ETS1: variants seen among roughly 807,000 people sequenced by gnomAD.
ETS1 encodes protein C-ets-1.
A neutral mutation model predicts 58.6 loss-of-function variants in ETS1; 15 were observed. The observed-to-expected ratio is 0.26, with a 90% CI of 0.17 to 0.39. The LOEUF is 0.39. Among genes scored for constraint, ETS1 ranks in the 10% least tolerant of loss-of-function variants. ETS1 has a pLI of 1.00. For synonymous variants in ETS1, 214 were observed against 218.2 expected (o/e 0.98, Z 0.17); for missense variants, 417 against 610.5 (o/e 0.68, Z 3.34).
chr11:128,528,212 T>C (rs753240151), intron 3 of ETS1, among the ~76,000 whole-genome samples: 15 of 152,184 alleles, frequency 9.9e-5, no homozygotes, highest in Non-Finnish European at 2.2e-4. Flanking sequence ...TATCCCATAC[T>C]TTAATTAATT....
intron 1 of ETS1, among the ~76,000 whole-genome samples, chr11:128,579,886 C>G (rs189653672): frequency 3.8e-4 from 58 of 152,178 alleles, no homozygotes; most frequent in Admixed American, 3.0e-3. Flanking sequence ...TCCCCTCCCC[C>G]CTACCCTCTT....
chr11:128,469,366 T>G (rs1280877642), intron 8 of ETS1, among the ~76,000 whole-genome samples: 1 of 152,194 alleles, frequency 6.6e-6, no homozygotes, highest in Non-Finnish European at 1.5e-5. Flanking sequence ...GGCCCCTCCC[T>G]TCCAGCCAGG....
chr11:128,459,963 C>A lies in ETS1; in HGVS notation c.*2398G>T, dbSNP rs889921757. On this transcript the variant is annotated 3_prime_UTR_variant, in exon 10 of 10. Coordinates refer to ENST00000392668, the MANE Select transcript of ETS1 (RefSeq NM_001143820.2). ...TTTATGCCTGGTTGCAAACAGCAAGCAATAATTGATACCCGGCCCTGGTTC... is the reference window on the plus strand; with the variant it reads ...TTTATGCCTGGTTGCAAACAGCAAGAAATAATTGATACCCGGCCCTGGTTC... 2.6e-5 allele frequency: 4 copies of A among 152,226 alleles called. No individual in the cohort carries two copies. Among genetic ancestry groups the A allele is most frequent in the Admixed American group, 1.3e-4 (2 of 15,264 alleles). The allele number at this position is 152,226 out of a possible 1,614,324, so 9.4% of individuals were successfully genotyped here. A position where few individuals can be genotyped will look rare whatever the true frequency, so the allele number is the denominator to read the frequency against.
intron 3 of ETS1, among the ~76,000 whole-genome samples, chr11:128,519,831 G>T (rs1863617125): frequency 6.6e-6 from 1 of 151,944 alleles, no homozygotes; most frequent in South Asian, 2.1e-4. Context: ...TGAGGTATGG[G>T]CATAATGTTC....
chr11:128,507,154 AT>A (rs1003159316), intron 3 of ETS1, among the ~76,000 whole-genome samples: 6 of 152,134 alleles, frequency 3.9e-5, no homozygotes, highest in Non-Finnish European at 7.3e-5. Context: ...AAAAGGGATC[AT>A]GAATTTTGGC....
intron 8 of ETS1, among the ~76,000 whole-genome samples, chr11:128,466,543 T>C (rs10893873): frequency 0.68 from 103,125 of 151,936 alleles, 36,741 homozygotes; most frequent in Non-Finnish European, 0.79. Flanking sequence ...TTTCTACCAG[T>C]GCATTTTCCA....
chr11:128,569,156 A>T (rs1182056790), intron 2 of ETS1, among the ~76,000 whole-genome samples: 1 of 152,024 alleles, frequency 6.6e-6, no homozygotes, highest in African/African-American at 2.4e-5. Flanking sequence ...CCTGGCTTCT[A>T]CTCTGATGCC....
rs1861962159 is a variant in ETS1 at position 128,463,752 on chromosome 11, AACAG to A, written c.1124-129_1124-126del. 1.5e-6 allele frequency: 1 copy of A among 675,460 alleles called. No individual in the cohort carries two copies. The highest frequency in any genetic ancestry group is 2.7e-6 in the Non-Finnish European group (1 of 367,196). The allele number at this position is 675,460 out of a possible 1,614,324, so 41.8% of individuals were successfully genotyped here. On this transcript the variant is annotated intron_variant, in intron 8 of 9. Coordinates refer to ENST00000392668, the MANE Select transcript of ETS1 (RefSeq NM_001143820.2). This position sits in a 1 kb window ranked among gnomAD's most constrained non-coding sequence, Gnocchi z 4.1. ...CATCCAGCCAGGAGAAAATGAAGGC[AACAG>A]ACAGTGCACATGTCGGAGGAAGTGT... is the stretch of plus-strand genomic sequence containing the variant.
chr11:128,541,247 C>T (rs1415879413), intron 3 of ETS1, among the ~76,000 whole-genome samples: 2 of 152,136 alleles, frequency 1.3e-5, no homozygotes, highest in African/African-American at 4.8e-5. Flanking sequence ...CTTCATAGCC[C>T]CAACGCCTCA....
Position 128,484,941 on chromosome 11 carries a change from G to A in ETS1, c.744C>T (p.Asp248=). ...GGTCTCGGAGAATGACCGAGGGGTA[G>A]TCATTCTCATACTTGAGGGAGAGGA... ...EELLSLKYEN[D]YPSVILRDPL... Residue 248 remains aspartate (D), a synonymous_variant, in exon 7 of 10, where the codon GAC becomes GAT. Coordinates refer to ENST00000392668, the MANE Select transcript of ETS1 (RefSeq NM_001143820.2). 1 of 1,614,146 alleles carries A rather than the reference G, an allele frequency of 6.2e-7. No homozygotes were observed. Among genetic ancestry groups the A allele is most frequent in the Non-Finnish European group, 8.5e-7 (1 of 1,180,012 alleles).
chr11:128,557,047 C>T (rs947349671), intron 2 of ETS1, among the ~76,000 whole-genome samples: 3 of 152,166 alleles, frequency 2.0e-5, no homozygotes, highest in African/African-American at 7.2e-5. Flanking sequence ...CTACATAGTA[C>T]TCTCTAAGGA....
chr11:128,474,601 G>A (rs563602708), intron 8 of ETS1, among the ~76,000 whole-genome samples: 8 of 152,136 alleles, frequency 5.3e-5, no homozygotes, highest in African/African-American at 1.9e-4. Context: ...GTATTTTCCC[G>A]TCAATCACAT....
chr11:128,466,305 C>T (rs563013238), intron 8 of ETS1, among the ~76,000 whole-genome samples: 11 of 152,288 alleles, frequency 7.2e-5, no homozygotes, highest in African/African-American at 2.4e-4. Flanking sequence ...GGTCTCATGA[C>T]ACCAAGCCGA....
At chr11:128,550,159 G>A (rs144381352) in intron 3 of ETS1, among the ~76,000 whole-genome samples, 18 of 152,340 alleles carry the variant, frequency 1.2e-4, no homozygotes, top group African/African-American at 2.9e-4. Flanking sequence ...GGCCTGTACC[G>A]GGATGTGCTG....
intron 2 of ETS1, among the ~76,000 whole-genome samples, chr11:128,562,224 C>A (rs1185725374): frequency 1.3e-5 from 2 of 152,180 alleles, no homozygotes; most frequent in African/African-American, 2.4e-5. Context: ...GCCTGGCCAA[C>A]AAGTTGAAAC....
At chr11:128,479,876 TAG>T (rs1565372006) in intron 8 of ETS1, among the ~76,000 whole-genome samples, 1 of 151,726 alleles carries the variant, frequency 6.6e-6, no homozygotes, top group Non-Finnish European at 1.5e-5. Flanking sequence ...GGCCACTAGA[TAG>T]AGTTTCCAGG....
intron 2 of ETS1, among the ~76,000 whole-genome samples, chr11:128,570,389 C>T (rs997897665): frequency 7.2e-5 from 11 of 152,060 alleles, no homozygotes; most frequent in Non-Finnish European, 1.5e-4. Flanking sequence ...AAGGCATGTG[C>T]CACCACACCT....
At chr11:128,471,799 G>C (rs888219857) in intron 8 of ETS1, among the ~76,000 whole-genome samples, 2 of 152,172 alleles carry the variant, frequency 1.3e-5, no homozygotes, top group Non-Finnish European at 2.9e-5. Flanking sequence ...CACTGATCAG[G>C]GTTAGAAAAC....
chr11:128,533,927 T>C (rs1044247102), intron 3 of ETS1, among the ~76,000 whole-genome samples: 5 of 152,210 alleles, frequency 3.3e-5, no homozygotes, highest in Non-Finnish European at 5.9e-5. Context: ...AAAGAATGAC[T>C]AAATGAATGA....
Sources: allele counts gnomAD v4.1 joint callset (sites outside exome capture counted in the v4.1 genomes callset), GRCh38; gene constraint gnomAD v4.1.1; non-coding constraint Gnocchi (gnomAD v3.1); transcripts MANE v1.5; gene names NCBI Gene and HGNC (gene_info 2026-07-23, HGNC 2026-07-21).